Variants in PIM2 observed in about 807,000 individuals in gnomAD.
The protein encoded by PIM2 is Pim-2 proto-oncogene, serine/threonine kinase, also known as serine/threonine-protein kinase pim-2.
In PIM2, 3 loss-of-function variants were observed where a neutral mutation model predicts 18.0. The observed-to-expected ratio is 0.17, with a 90% confidence interval of 0.08 to 0.43. The LOEUF is 0.43. Ranked by LOEUF, PIM2 falls within the 20% of genes least tolerant of loss-of-function variation. The probability of loss-of-function intolerance (pLI) is 0.99; values close to 1 mark genes in which losing one functional copy is unlikely to be tolerated. For synonymous variants in PIM2, 117 were observed against 105.3 expected (o/e 1.11, Z -0.68); for missense variants, 181 against 260.8 (o/e 0.69, Z 2.11).
rs34080117 is a variant in PIM2, at chrX:48,913,554, C to CAAAAAAAA, written c.*569_*576dup. 1.6e-5 allele frequency: 1 copy of CAAAAAAAA among 62,288 alleles called. No individual in the cohort carries two copies. Among genetic ancestry groups the CAAAAAAAA allele is most frequent in the Non-Finnish European group, 2.8e-5 (1 of 35,208 alleles). The allele number at this position is 62,288 out of a possible 1,213,427, so 5.1% of individuals were successfully genotyped here. A position where few individuals can be genotyped will look rare whatever the true frequency, so the allele number is the denominator to read the frequency against. ...GATAACAGAGTAGGGTCCCCTCACC[C>CAAAAAAAA]AAAAAAAAAAAAAAAAAAAAGAAGC... On this transcript the variant is annotated 3_prime_UTR_variant, in exon 6 of 6. Transcript: ENST00000376509.
In PIM2 at chrX:48,913,330, CAGG is replaced by C. The variant is rs1293850183; in HGVS notation, c.*798_*800del. On this transcript the variant is annotated 3_prime_UTR_variant, in exon 6 of 6. Transcript: ENST00000376509. ...TTTTAGTAATTGGACAATCCCGGCTCAGGAGGAGGTTGCAAGAATCTGCAAAAG... is the reference window on the plus strand; with the variant it reads ...TTTTAGTAATTGGACAATCCCGGCTCAGGAGGTTGCAAGAATCTGCAAAAG... 2.7e-5 allele frequency: 3 copies of C among 110,259 alleles called. No individual in the cohort carries two copies. Among genetic ancestry groups the C allele is most frequent in the African/African-American group, 1.0e-4 (3 of 30,140 alleles). 9.1% of individuals were successfully genotyped at this position (110,259 alleles called of 1,213,427 possible).
At chrX:48,916,136 A>T (rs1455303018) in intron 3 of PIM2, among the ~76,000 whole-genome samples, 1 of 112,842 alleles carries the variant, frequency 8.9e-6, no homozygotes, top group African/African-American at 3.2e-5. Context: ...ACGGACGTAT[A>T]TGAAGCACTA....
In PIM2 at chrX:48,915,191, A is replaced by C; in HGVS notation, c.424T>G (p.Cys142Gly). 8.2e-7 allele frequency: 1 copy of C among 1,212,368 alleles called. No individual in the cohort carries two copies. The highest frequency in any genetic ancestry group is 1.1e-6 in the Non-Finnish European group (1 of 895,547). The change falls in exon 4 of 6, where the codon TGC becomes GGC. Residue 142 changes from cysteine (C) to glycine (G), a missense_variant. Cys to Gly is a radical substitution (Grantham distance 159). Around this residue, in one of 5 missense-constraint regions of PIM2, gnomAD observed 104 missense variants for 125.3 expected, o/e 0.83. Transcript: ENST00000376509. The part of the protein sequence containing the change: ...KGPLGEGPSR[C>G]FFGQVVAAIQ... ...GCTGCCACTACTTGGCCAAAGAAGC[A>C]GCGGCTTGGGCCTTCACCCAGTGGG...
intron 2 of PIM2, among the ~76,000 whole-genome samples, 190 bp from the exon 3 acceptor site, chrX:48,918,021 A>C (rs1241084032): frequency 1.8e-5 from 2 of 109,316 alleles, no homozygotes; most frequent in African/African-American, 3.3e-5. Flanking sequence ...AACCAAGTTT[A>C]TCTCTCCCAC....
chrX:48,915,520 A>C, intron 3 of PIM2, 128 bp from the exon 4 acceptor site: 1 of 634,985 alleles, frequency 1.6e-6, no homozygotes, highest in South Asian at 3.1e-5. Flanking sequence ...TAAGCAACTC[A>C]CTTCCCTTCC....
intron 2 of PIM2, among the ~76,000 whole-genome samples, chrX:48,918,204 A>G (rs993769043): frequency 9.4e-6 from 1 of 106,598 alleles, no homozygotes; most frequent in Non-Finnish European, 1.9e-5. Context: ...CCTACCTCCA[A>G]AAGTCCCACA....
rs1210557981 is a variant in PIM2, at chrX:48,913,442, T to C, written c.*689A>G. ...CAAAAAACCATCCATCCCATCCTAG[T>C]GTCTGGTGGTGTCCGGTGGTGTCCA... On this transcript the variant is annotated 3_prime_UTR_variant, in exon 6 of 6. Coordinates refer to ENST00000376509, the MANE Select transcript of PIM2 (RefSeq NM_006875.4). 13 of 107,673 alleles carry C rather than the reference T, an allele frequency of 1.2e-4. No homozygotes were observed. Among genetic ancestry groups the C allele is most frequent in the Non-Finnish European group, 2.5e-4 (13 of 51,989 alleles). 8.9% of individuals were successfully genotyped at this position (107,673 alleles called of 1,213,427 possible). A position where few individuals can be genotyped will look rare whatever the true frequency, so the allele number is the denominator to read the frequency against.
At position 48,915,399 on chromosome X, in the gene PIM2, G is replaced by C. The variant is rs782478653; in HGVS notation, c.223-7C>G. ...GGCATGTGACTGAGTCTGACTGGGG[G>C]CACAGGTGGGGTGGGAAGCAGGGAG... On this transcript the variant is annotated splice_region_variant and splice_polypyrimidine_tract_variant and intron_variant, in intron 3 of 5. Coordinates refer to ENST00000376509, the MANE Select transcript of PIM2 (RefSeq NM_006875.4). The C allele has an allele frequency of 5.9e-6, 7 of 1,194,226 alleles. No homozygotes were observed. Among genetic ancestry groups the C allele is most frequent in the Non-Finnish European group, 7.9e-6 (7 of 884,561 alleles).
intron 4 of PIM2, chrX:48,914,775 G>C (rs1209375384): frequency 6.5e-6 from 3 of 458,377 alleles, no homozygotes; most frequent in Non-Finnish European, 1.1e-5. Flanking sequence ...CCTTACCAGA[G>C]AAAGAATACT....
chrX:48,917,847 G>T lies in PIM2; in HGVS notation c.172-16C>A, dbSNP rs782759236. 3.4e-6 allele frequency: 4 copies of T among 1,175,055 alleles called. No individual in the cohort carries two copies. Among genetic ancestry groups the T allele is most frequent in the Non-Finnish European group, 4.6e-6 (4 of 870,001 alleles). On this transcript the variant is annotated splice_polypyrimidine_tract_variant and intron_variant, in intron 2 of 5. Transcript: ENST00000376509. ...TGATGGCCACCTGGAGAAGAAGGCC[G>T]TGATAAGGAGGCCAGCAGGTGATCC...
Position 48,913,941 on chromosome X carries a change from G to A in PIM2, c.*190C>T. The A allele has an allele frequency of 2.8e-6, 1 of 360,273 alleles. No homozygotes were observed. Among genetic ancestry groups the A allele is most frequent in the Non-Finnish European group, 4.8e-6 (1 of 208,383 alleles). 29.7% of individuals were successfully genotyped at this position (360,273 alleles called of 1,213,427 possible). ...GGAGGAAGGCTCCTTTGTAGGATTGGGAAGGGAACTGGGCAGACTTGGTTT... is the reference window on the plus strand; with the variant it reads ...GGAGGAAGGCTCCTTTGTAGGATTGAGAAGGGAACTGGGCAGACTTGGTTT... On this transcript the variant is annotated 3_prime_UTR_variant, in exon 6 of 6. Coordinates refer to ENST00000376509, the MANE Select transcript of PIM2 (RefSeq NM_006875.4).
At chrX:48,914,970 A>G in intron 4 of PIM2, 50 bp downstream of exon 4, 1 of 1,128,360 alleles carries the variant, frequency 8.9e-7, no homozygotes, top group East Asian at 3.0e-5. Context: ...AAAGGTCACA[A>G]GGCCATCAAG....
At chrX:48,917,620 G>C (rs1425299642) in intron 3 of PIM2, among the ~76,000 whole-genome samples, 161 bp downstream of exon 3, 1 of 112,780 alleles carries the variant, frequency 8.9e-6, no homozygotes, top group Non-Finnish European at 1.9e-5. Context: ...AGGGGAATTG[G>C]GGTGAATCAG....
At position 48,918,541 on chromosome X, in the gene PIM2, G is replaced by A; in HGVS notation, c.166C>T (p.Leu56Phe). ...AAGACCCTCATGACGGATACCTGGAGTCGATCTGTGAGGCGGTGTCCTGCG... is the reference window on the plus strand; with the variant it reads ...AAGACCCTCATGACGGATACCTGGAATCGATCTGTGAGGCGGTGTCCTGCG... ...VFAGHRLTDR[L>F]QVAIKVIPRN... Residue 56 changes from leucine (L) to phenylalanine (F), a missense_variant, in exon 2 of 6, where the codon CTC becomes TTC. By Grantham distance (22) the Leu-to-Phe change is conservative (BLOSUM62 0). This residue lies in a region of PIM2 where 104 missense variants were observed against 125.3 expected (regional missense o/e 0.83). Coordinates refer to ENST00000376509, the MANE Select transcript of PIM2 (RefSeq NM_006875.4). The A allele has an allele frequency of 1.7e-6, 2 of 1,196,106 alleles. No homozygotes were observed. Among genetic ancestry groups the A allele is most frequent in the Non-Finnish European group, 1.1e-6 (1 of 882,789 alleles).
At chrX:48,918,397 G>A in intron 2 of PIM2, 139 bp downstream of exon 2, 1 of 382,950 alleles carries the variant, frequency 2.6e-6, no homozygotes, top group Non-Finnish European at 4.5e-6. Flanking sequence ...CCTCGGACAC[G>A]GACACGGACA....
chrX:48,914,228 A>T lies in PIM2; in HGVS notation c.839T>A (p.Ile280Asn). The T allele has an allele frequency of 8.3e-7, 1 of 1,202,102 alleles. No individual in the cohort carries two copies. The change falls in exon 6 of 6, where the codon ATC (isoleucine) becomes AAC (asparagine). Residue 280 changes from isoleucine to asparagine, a missense_variant. Coordinates refer to ENST00000376509, the MANE Select transcript of PIM2 (RefSeq NM_006875.4). ...KPSSRPSLEE[I>N]LLDPWMQTPA... The stretch of plus-strand genomic sequence containing the variant: ...TGTTTGCATCCAGGGGTCCAGCAGG[A>T]TCTCTTCCAGTGAGGGTCGGGAAGA...
chrX:48,915,254 G>A lies in PIM2; in HGVS notation c.361C>T (p.Pro121Ser), dbSNP rs782593745. The A allele has an allele frequency of 1.7e-6, 2 of 1,211,843 alleles. No homozygotes were observed. Among genetic ancestry groups the A allele is most frequent in the South Asian group, 1.8e-5 (1 of 57,001 alleles). Residue 121 changes from proline to serine, a missense_variant, in exon 4 of 6, where the codon CCC becomes TCC. By Grantham distance (74) the Pro-to-Ser change is moderately conservative (BLOSUM62 -1). This residue lies in a region of PIM2 where 104 missense variants were observed against 125.3 expected (regional missense o/e 0.83). Transcript: ENST00000376509. ...ATATAGTCAAAGAGATCCTGGGCGG[G>A]CAAAGGCCGCTCGAGGACCAGCATG... is the stretch of plus-strand genomic sequence containing the variant. Reference protein sequence around the residue: ...GFMLVLERPLPAQDLFDYITE... With the variant: ...GFMLVLERPLSAQDLFDYITE...
chrX:48,917,465 C>A (rs1050572307), intron 3 of PIM2, among the ~76,000 whole-genome samples: 2 of 113,388 alleles, frequency 1.8e-5, no homozygotes, highest in Admixed American at 1.8e-4. Context: ...AGCGTTATAA[C>A]GGCAAGAGAG....
At position 48,914,260 on chromosome X, in the gene PIM2, G is replaced by C; in HGVS notation, c.807C>G (p.Pro269=). 8.3e-7 allele frequency: 1 copy of C among 1,209,140 alleles called. No individual in the cohort carries two copies. Among genetic ancestry groups the C allele is most frequent in the South Asian group, 1.8e-5 (1 of 56,562 alleles). ...CCALIRRCLA[P]KPSSRPSLEE... Reference sequence around the variant, plus strand: ...CCAGTGAGGGTCGGGAAGAAGGTTTGGGGGCCAGGCACCGGCGGATTAGGG... The same window carrying C: ...CCAGTGAGGGTCGGGAAGAAGGTTTCGGGGCCAGGCACCGGCGGATTAGGG... The change falls in exon 6 of 6, where the codon CCC becomes CCG. Residue 269 remains proline (P), a synonymous_variant. Coordinates refer to ENST00000376509, the MANE Select transcript of PIM2 (RefSeq NM_006875.4).
Sources: gnomAD v4.1 joint callset for allele counts (sites outside exome capture counted in the v4.1 genomes callset) on GRCh38, gnomAD v4.1.1 for gene constraint, gnomAD v4.1.1 regional missense constraint, MANE v1.5 for transcripts, NCBI Gene and HGNC (gene_info 2026-07-23, HGNC 2026-07-21) for gene names.